Variants in CMPK1 observed in about 807,000 individuals in gnomAD.
The protein encoded by CMPK1 is UMP-CMP kinase.
In CMPK1, 10 loss-of-function variants were observed where a neutral mutation model predicts 25.7. The observed-to-expected ratio is 0.39, with a 90% CI of 0.24 to 0.66. The LOEUF is 0.66. CMPK1 is among the 30% of genes least tolerant of loss of function. The probability of loss-of-function intolerance (pLI) is 0.48; values close to 1 mark genes in which losing one functional copy is unlikely to be tolerated. For synonymous variants in CMPK1, 106 were observed against 101.5 expected (o/e 1.04, Z -0.27); for missense variants, 199 against 280.5 (o/e 0.71, Z 2.08).
At chr1:47,342,916 A>G (rs563662258) in intron 1 of CMPK1, among the ~76,000 whole-genome samples, 55 of 151,310 alleles carry the variant, frequency 3.6e-4, no homozygotes, top group South Asian at 1.7e-3. Context: ...CCAAAGTGCT[A>G]GGATTACAGG....
chr1:47,334,847 G>T (rs1041774924), intron 1 of CMPK1, among the ~76,000 whole-genome samples: 1 of 152,200 alleles, frequency 6.6e-6, no homozygotes, highest in Non-Finnish European at 1.5e-5. Flanking sequence ...GCCTCAGTTA[G>T]CCCTTGTAAT....
intron 1 of CMPK1, among the ~76,000 whole-genome samples, chr1:47,336,081 A>G (rs561318532): frequency 3.9e-4 from 59 of 152,216 alleles, no homozygotes; most frequent in African/African-American, 1.4e-3. Context: ...TCTTTTAAAA[A>G]GTAAAGAGAC....
At chr1:47,348,485 T>C (rs1352744888) in intron 1 of CMPK1, among the ~76,000 whole-genome samples, 2 of 152,198 alleles carry the variant, frequency 1.3e-5, no homozygotes, top group Admixed American at 1.3e-4. Flanking sequence ...TTATGCTGCC[T>C]GGTGCGTAAA....
chr1:47,347,115 C>T (rs997197111), intron 1 of CMPK1, among the ~76,000 whole-genome samples: 1 of 151,514 alleles, frequency 6.6e-6, no homozygotes, highest in African/African-American at 2.4e-5. Context: ...TCTTTCCCTT[C>T]CTCCTTCTGT....
At chr1:47,361,472 T>C (rs1309172603) in intron 1 of CMPK1, among the ~76,000 whole-genome samples, 1 of 152,208 alleles carries the variant, frequency 6.6e-6, no homozygotes, top group Non-Finnish European at 1.5e-5. Context: ...CAAGTTTGTG[T>C]GCAACCTCTA....
At chr1:47,364,420 C>A (rs1364693252) in intron 1 of CMPK1, among the ~76,000 whole-genome samples, 1 of 151,464 alleles carries the variant, frequency 6.6e-6, no homozygotes. Flanking sequence ...CGGGTTCACG[C>A]CATTCTCCTG....
At chr1:47,365,488 G>C (rs1646633040) in intron 1 of CMPK1, among the ~76,000 whole-genome samples, 1 of 151,796 alleles carries the variant, frequency 6.6e-6, no homozygotes, top group Non-Finnish European at 1.5e-5. Context: ...ACAAAAATTA[G>C]CTGGATGCAG....
chr1:47,364,635 TATATA>T (rs1646626499), intron 1 of CMPK1, among the ~76,000 whole-genome samples: 2 of 148,136 alleles, frequency 1.4e-5, no homozygotes, highest in Non-Finnish European at 3.0e-5. Context: ...ATATTTTTAA[TATATA>T]ATAATATAAA....
chr1:47,343,503 G>A (rs1209505644), intron 1 of CMPK1, among the ~76,000 whole-genome samples: 5 of 68,002 alleles, frequency 7.4e-5, no homozygotes, highest in Non-Finnish European at 1.2e-4. Flanking sequence ...GTGAGACTCC[G>A]TCTCAAAAAA....
chr1:47,375,824 C>T (rs934685379), intron 5 of CMPK1, among the ~76,000 whole-genome samples: 52 of 152,126 alleles, frequency 3.4e-4, no homozygotes, highest in African/African-American at 1.1e-3. Context: ...GGTTTGCAAG[C>T]GCAACAAAAT....
At chr1:47,342,240 C>T (rs1356225662) in intron 1 of CMPK1, among the ~76,000 whole-genome samples, 1 of 152,034 alleles carries the variant, frequency 6.6e-6, no homozygotes, top group African/African-American at 2.4e-5. Context: ...TGCCACCACA[C>T]CTGGCTAATT....
chr1:47,335,385 T>C (rs1210637299), intron 1 of CMPK1, among the ~76,000 whole-genome samples: 3 of 152,174 alleles, frequency 2.0e-5, no homozygotes, highest in Non-Finnish European at 4.4e-5. Flanking sequence ...ACTCCTGTAA[T>C]CCCAGCACTT....
chr1:47,342,059 C>T (rs560614065), intron 1 of CMPK1, among the ~76,000 whole-genome samples: 32 of 151,934 alleles, frequency 2.1e-4, no homozygotes, highest in Non-Finnish European at 2.4e-4. Flanking sequence ...TACAGGCTCA[C>T]ACCACCAGGC....
chr1:47,335,026 A>G (rs1483893425), intron 1 of CMPK1, among the ~76,000 whole-genome samples: 2 of 152,088 alleles, frequency 1.3e-5, no homozygotes, highest in African/African-American at 4.8e-5. Flanking sequence ...ACACTGTGGG[A>G]AAAAAAGGCT....
chr1:47,353,181 C>T (rs1339343198), intron 1 of CMPK1, among the ~76,000 whole-genome samples: 1 of 152,172 alleles, frequency 6.6e-6, no homozygotes, highest in Non-Finnish European at 1.5e-5. Context: ...ATAGAAGTGG[C>T]ATTTCTAGAA....
intron 1 of CMPK1, among the ~76,000 whole-genome samples, chr1:47,354,231 A>AG (rs1417682573): frequency 6.6e-6 from 1 of 152,174 alleles, no homozygotes; most frequent in Non-Finnish European, 1.5e-5. Flanking sequence ...CGGGAGGCTA[A>AG]GGCGGCAGGA....
At chr1:47,365,589 G>A (rs1029736421) in intron 1 of CMPK1, among the ~76,000 whole-genome samples, 6 of 136,374 alleles carry the variant, frequency 4.4e-5, no homozygotes, top group Admixed American at 1.6e-4. Flanking sequence ...AGCTGAGATC[G>A]TGCCACTGCA....
rs1646583363 is a variant in CMPK1 at position 47,359,117 on chromosome 1, G to A, written c.172-9352G>A. Among the ~76,000 whole-genome samples, 3 of 152,154 alleles carry A rather than the reference G, an allele frequency of 2.0e-5. No homozygotes were observed. The South Asian group carries it at 6.2e-4, about 32-fold the overall frequency. On this transcript the variant is annotated intron_variant, in intron 1 of 5. Transcript: ENST00000371873. ...GCGGATCACGAGGTCAGGAGATCGA[G>A]ACCATCCTGGCTAACATGGTGAGAC...
intron 2 of CMPK1, among the ~76,000 whole-genome samples, chr1:47,370,656 T>A (rs1180694708): frequency 8.0e-6 from 1 of 124,436 alleles, no homozygotes; most frequent in African/African-American, 3.3e-5. Flanking sequence ...AAAAAAAAAA[T>A]GTCCGGGTGT....
Sources: allele counts gnomAD v4.1 joint callset (sites outside exome capture counted in the v4.1 genomes callset), GRCh38; gene constraint gnomAD v4.1.1; transcripts MANE v1.5; gene names NCBI Gene and HGNC (gene_info 2026-07-23, HGNC 2026-07-21).